The following LRP12 variants were observed in gnomAD, a reference collection of about 807,000 sequenced individuals.
LRP12 encodes low-density lipoprotein receptor-related protein 12.
Under a neutral mutation model 66.0 loss-of-function variants are expected in LRP12, and 14 were observed. The observed-to-expected ratio is 0.21, with a 90% CI of 0.14 to 0.33. LRP12 has a LOEUF of 0.33. Ranked by LOEUF, LRP12 falls within the 10% of genes least tolerant of loss-of-function variation. LRP12 has a pLI of 1.00. For synonymous variants in LRP12, 357 were observed against 359.1 expected (o/e 0.99, Z 0.07); for missense variants, 889 against 1,053.4 (o/e 0.84, Z 2.16).
At chr8:104,569,560 C>T (rs746359158) in intron 1 of LRP12, among the ~76,000 whole-genome samples, 5 of 152,016 alleles carry the variant, frequency 3.3e-5, no homozygotes, top group Non-Finnish European at 5.9e-5. Context: ...CACATAATGA[C>T]ATGAGTAGAT....
intron 1 of LRP12, among the ~76,000 whole-genome samples, chr8:104,573,877 A>G (rs761140665): frequency 6.6e-6 from 1 of 152,066 alleles, no homozygotes; most frequent in African/African-American, 2.4e-5. Flanking sequence ...AAGACTGACT[A>G]TGGACTGATG....
intron 1 of LRP12, among the ~76,000 whole-genome samples, chr8:104,560,046 T>C (rs893326267): frequency 5.3e-5 from 8 of 152,186 alleles, no homozygotes; most frequent in Non-Finnish European, 1.0e-4. Context: ...ACAACTAATA[T>C]AGAAACTTAG....
intron 1 of LRP12, among the ~76,000 whole-genome samples, chr8:104,580,358 TA>T (rs774764260): frequency 0.1 from 9,401 of 92,240 alleles, 320 homozygotes; most frequent in Middle Eastern, 0.18. Flanking sequence ...CTACTAAAAA[TA>T]AAAAAAAAAA....
chr8:104,560,500 C>T (rs1811889999), intron 1 of LRP12, among the ~76,000 whole-genome samples: 1 of 152,122 alleles, frequency 6.6e-6, no homozygotes, highest in Non-Finnish European at 1.5e-5. Flanking sequence ...CTAAAACCTA[C>T]CATAGATAGT....
At position 104,491,214 on chromosome 8, in the gene LRP12, G is replaced by A. The variant is rs1177528421; in HGVS notation, c.2039C>T (p.Pro680Leu). The change falls in exon 7 of 7, where the codon CCT becomes CTT. Residue 680 changes from proline (P) to leucine (L), a missense_variant. Pro to Leu is a moderately conservative substitution (Grantham distance 98). Around this residue, in one of 3 missense-constraint regions of LRP12, gnomAD observed 800 missense variants for 964.5 expected, o/e 0.83. Coordinates refer to ENST00000276654, the MANE Select transcript of LRP12 (RefSeq NM_013437.5). ...TGTCGCTTCTACTGCCGTTGTGGGA[G>A]GGACTTTTTGAGGCAAAGGAGCTGC... ...GVAAPLPQKVPPTTAVEATVG... is the reference protein window; with the variant it reads ...GVAAPLPQKVLPTTAVEATVG... 1 of 1,614,054 alleles carries A rather than the reference G, an allele frequency of 6.2e-7. No individual in the cohort carries two copies. Among genetic ancestry groups the A allele is most frequent in the Non-Finnish European group, 8.5e-7 (1 of 1,180,022 alleles).
intron 1 of LRP12, among the ~76,000 whole-genome samples, chr8:104,582,332 T>C (rs77128396): frequency 0.031 from 4,655 of 152,220 alleles, 236 homozygotes; most frequent in African/African-American, 0.11. Flanking sequence ...TTATTTACTT[T>C]GAAGTTTTGG....
At chr8:104,532,740 T>G (rs1811344771) in intron 1 of LRP12, among the ~76,000 whole-genome samples, 1 of 152,136 alleles carries the variant, frequency 6.6e-6, no homozygotes, top group South Asian at 2.1e-4. Flanking sequence ...AATTAACAAC[T>G]TTTTGTTTAC....
Position 104,567,663 on chromosome 8 carries a change from T to C in LRP12, c.79+21156A>G, listed in dbSNP as rs551614131. Among the ~76,000 whole-genome samples, 21 of 152,294 alleles carry C rather than the reference T, an allele frequency of 1.4e-4. No individual in the cohort carries two copies. The South Asian group carries it at 1.7e-3, about 12-fold the overall frequency. On this transcript the variant is annotated intron_variant, in intron 1 of 6. Transcript: ENST00000276654. ...GTCATAGGATACAAGAAAAAGTATA[T>C]TCATATGCACCAACAATGATAATCT...
At chr8:104,502,007 GA>G (rs1295628921) in intron 3 of LRP12, among the ~76,000 whole-genome samples, 5 of 152,084 alleles carry the variant, frequency 3.3e-5, no homozygotes, top group Non-Finnish European at 5.9e-5. Context: ...TTTTCAAGTA[GA>G]AAATGAGATT....
chr8:104,549,575 T>G (rs1271118716), intron 1 of LRP12, among the ~76,000 whole-genome samples: 1 of 152,010 alleles, frequency 6.6e-6, no homozygotes, highest in Non-Finnish European at 1.5e-5. Context: ...GCTAATTTTT[T>G]GTATTTTTAG....
intron 1 of LRP12, among the ~76,000 whole-genome samples, chr8:104,548,405 TATATG>T (rs1230175658): frequency 1.0e-5 from 1 of 97,342 alleles, no homozygotes; most frequent in African/African-American, 4.9e-5. Flanking sequence ...ATTATATAAA[TATATG>T]ATATATTAAT....
chr8:104,584,594 T>C (rs76883403), intron 1 of LRP12, among the ~76,000 whole-genome samples: 4,656 of 152,250 alleles, frequency 0.031, 236 homozygotes, highest in African/African-American at 0.11. Context: ...TTACCATACA[T>C]CATTCAAATC....
chr8:104,581,347 G>A (rs894192517), intron 1 of LRP12, among the ~76,000 whole-genome samples: 10 of 150,994 alleles, frequency 6.6e-5, no homozygotes, highest in East Asian at 3.9e-4. Context: ...TACTATATAC[G>A]ATATGATGTA....
chr8:104,562,747 A>T (rs995272078), intron 1 of LRP12, among the ~76,000 whole-genome samples: 2 of 152,140 alleles, frequency 1.3e-5, no homozygotes, highest in Admixed American at 1.3e-4. Flanking sequence ...GATGGGAGAA[A>T]ATTAACATTT....
rs538235254 is a variant in LRP12, at chr8:104,574,256, G to A, written c.79+14563C>T. 2.6e-5 allele frequency among the ~76,000 whole-genome samples: 4 copies of A among 152,090 alleles called. No individual in the cohort carries two copies. In the South Asian group the frequency reaches 6.2e-4, roughly 24 times the overall value. ...TAGGTTTCTTATTGTCATTTTAAAC[G>A]AATTAATGTTTTAATAATTACTCAA... is the stretch of plus-strand genomic sequence containing the variant. On this transcript the variant is annotated intron_variant, in intron 1 of 6. Transcript: ENST00000276654.
At chr8:104,498,182 C>G (rs977622293) in intron 4 of LRP12, 106 bp from the exon 5 acceptor site, 1 of 1,132,118 alleles carries the variant, frequency 8.8e-7, no homozygotes. Context: ...GTTCATAAAG[C>G]CCAAGTGCTA....
At chr8:104,495,049 G>C in intron 6 of LRP12, 28 bp downstream of exon 6, 2 of 1,599,132 alleles carry the variant, frequency 1.3e-6, no homozygotes, top group Non-Finnish European at 1.7e-6. Flanking sequence ...AAGAGGAAAT[G>C]TAATAGAAAT....
intron 1 of LRP12, among the ~76,000 whole-genome samples, chr8:104,547,582 TAA>T (rs1811602863): frequency 8.2e-6 from 1 of 122,282 alleles, no homozygotes; most frequent in Admixed American, 9.3e-5. Context: ...TATTATATAT[TAA>T]TATATAATAT....
intron 1 of LRP12, among the ~76,000 whole-genome samples, chr8:104,554,476 G>A (rs1016532154): frequency 6.6e-6 from 1 of 151,678 alleles, no homozygotes; most frequent in Admixed American, 6.6e-5. Flanking sequence ...TAGAGAAATG[G>A]AAAATACATT....
Sources: gnomAD v4.1 joint callset for allele counts (sites outside exome capture counted in the v4.1 genomes callset) on GRCh38, gnomAD v4.1.1 for gene constraint, gnomAD v4.1.1 regional missense constraint, MANE v1.5 for transcripts, NCBI Gene and HGNC (gene_info 2026-07-23, HGNC 2026-07-21) for gene names.